Variants in AUTS2 observed in about 807,000 individuals in gnomAD.
AUTS2 encodes activator of transcription and developmental regulator AUTS2.
A neutral mutation model predicts 112.4 loss-of-function variants in AUTS2; 17 were observed. The ratio of observed to expected loss-of-function variants is 0.15; its 90% CI spans 0.10 to 0.23. The LOEUF (loss-of-function observed/expected upper bound fraction) is 0.23, where lower values mean the gene tolerates loss of function less well. Ranked by LOEUF, AUTS2 falls within the 10% of genes least tolerant of loss-of-function variation. The pLI, the probability that AUTS2 is intolerant of heterozygous loss-of-function variation, is 1.00. For missense variants in AUTS2, 1,510 were observed against 1,701.6 expected, an observed-to-expected ratio of 0.89 and a Z score of 1.98; for synonymous variants, 751 against 702.7, an observed-to-expected ratio of 1.07 and a Z score of -1.09.
At chr7:70,307,216 A>G (rs1347344911) in intron 4 of AUTS2, among the ~76,000 whole-genome samples, 3 of 152,222 alleles carry the variant, frequency 2.0e-5, no homozygotes, top group Non-Finnish European at 4.4e-5. Flanking sequence ...TGAACATTTC[A>G]GGATTTAATG....
At chr7:70,500,015 C>T (rs1177290340) in intron 5 of AUTS2, among the ~76,000 whole-genome samples, 2 of 152,136 alleles carry the variant, frequency 1.3e-5, no homozygotes, top group East Asian at 1.9e-4. Flanking sequence ...GCTCAAGACA[C>T]GATGTCCTTC....
intron 4 of AUTS2, among the ~76,000 whole-genome samples, chr7:70,241,426 T>C (rs906201541): frequency 2.0e-5 from 3 of 152,232 alleles, no homozygotes; most frequent in Non-Finnish European, 4.4e-5. Flanking sequence ...GCTGTAGCTA[T>C]ATATAAATGT....
chr7:69,714,095 G>C (rs1350331118), intron 1 of AUTS2, among the ~76,000 whole-genome samples: 1 of 150,900 alleles, frequency 6.6e-6, no homozygotes, highest in East Asian at 1.9e-4. Flanking sequence ...GTTTTGCTCT[G>C]TTACCAAGTC....
chr7:70,510,653 C>T (rs1311498748), intron 5 of AUTS2, among the ~76,000 whole-genome samples: 1 of 151,918 alleles, frequency 6.6e-6, no homozygotes, highest in Non-Finnish European at 1.5e-5. Context: ...AATGCAAAAG[C>T]AAATATGAGA....
At chr7:70,248,148 A>G (rs890560679) in intron 4 of AUTS2, among the ~76,000 whole-genome samples, 1 of 152,160 alleles carries the variant, frequency 6.6e-6, no homozygotes, top group Non-Finnish European at 1.5e-5. Flanking sequence ...TTTTCATCCA[A>G]GTTCATGAGT....
chr7:70,023,180 G>A lies in AUTS2; in HGVS notation c.523-94952G>A, dbSNP rs6969886. Among the ~76,000 whole-genome samples, 316 of 152,272 alleles carry A rather than the reference G, an allele frequency of 2.1e-3. 1 individual carries two copies. Among genetic ancestry groups the A allele is most frequent in the African/African-American group, 7.4e-3 (308 of 41,556 alleles). Reference sequence around the variant, plus strand: ...GACTTCTCAATTAACTTTGACATAAGTGTGTGTTTTATAAGATCATTATCA... The same window carrying A: ...GACTTCTCAATTAACTTTGACATAAATGTGTGTTTTATAAGATCATTATCA... On this transcript the variant is annotated intron_variant, in intron 2 of 18. Transcript: ENST00000342771.
chr7:69,893,326 T>C (rs567623758), intron 1 of AUTS2, among the ~76,000 whole-genome samples: 3 of 152,304 alleles, frequency 2.0e-5, no homozygotes, highest in Non-Finnish European at 2.9e-5. Flanking sequence ...TGTGAACATA[T>C]CTATCTAGTT....
chr7:70,237,477 T>C (rs2129598926), intron 4 of AUTS2, among the ~76,000 whole-genome samples: 1 of 152,346 alleles, frequency 6.6e-6, no homozygotes, highest in Non-Finnish European at 1.5e-5. Context: ...CTTCTACTCA[T>C]ATGATATCCT....
chr7:70,156,046 C>T (rs1807740473), intron 4 of AUTS2, among the ~76,000 whole-genome samples: 2 of 152,112 alleles, frequency 1.3e-5, no homozygotes, highest in Non-Finnish European at 2.9e-5. Context: ...GACCCAGTGT[C>T]TGACCGGATT....
intron 5 of AUTS2, among the ~76,000 whole-genome samples, chr7:70,490,868 G>C (rs932034893): frequency 6.6e-6 from 1 of 152,182 alleles, no homozygotes; most frequent in Non-Finnish European, 1.5e-5. Flanking sequence ...TGAAAATGGA[G>C]CTTTCTTTTT....
At chr7:70,322,524 T>C (rs994153280) in intron 4 of AUTS2, among the ~76,000 whole-genome samples, 4 of 152,148 alleles carry the variant, frequency 2.6e-5, no homozygotes, top group Non-Finnish European at 5.9e-5. Context: ...TGCCTGGTGG[T>C]GATAAGAAAG....
chr7:69,788,933 A>G (rs969441996), intron 1 of AUTS2, among the ~76,000 whole-genome samples: 14 of 152,200 alleles, frequency 9.2e-5, no homozygotes, highest in African/African-American at 3.4e-4. Flanking sequence ...ACGATAGGAC[A>G]CTTGGTTTTT....
At chr7:70,072,797 G>A (rs777168609) in intron 2 of AUTS2, among the ~76,000 whole-genome samples, 34 of 151,790 alleles carry the variant, frequency 2.2e-4, no homozygotes, top group Non-Finnish European at 3.5e-4. Context: ...AAAAAATATC[G>A]TGTTTGTTAT....
chr7:69,840,507 A>C (rs1791928607), intron 1 of AUTS2, among the ~76,000 whole-genome samples: 1 of 152,206 alleles, frequency 6.6e-6, no homozygotes, highest in South Asian at 2.1e-4. Flanking sequence ...AGCTCTCTTC[A>C]GTGTAATATA....
At chr7:69,894,257 T>TTTTTTGTTGTTG (rs1554400350) in intron 1 of AUTS2, among the ~76,000 whole-genome samples, 83 of 131,788 alleles carry the variant, frequency 6.3e-4, no homozygotes, top group African/African-American at 2.3e-3. Context: ...AAAGCGTTTT[T>TTTTTTGTTGTTG]TTTTTTTTTT....
At position 70,335,014 on chromosome 7, in the gene AUTS2, C is replaced by T. The variant is rs762954333; in HGVS notation, c.661-100738C>T. On this transcript the variant is annotated intron_variant, in intron 4 of 18. Coordinates refer to ENST00000342771, the MANE Select transcript of AUTS2 (RefSeq NM_015570.4). ...CCTCTTCTAGACAGCAGCTTGGTACCTCAGCTGTCCTTCTCATCAGGGAGA... is the reference window on the plus strand; with the variant it reads ...CCTCTTCTAGACAGCAGCTTGGTACTTCAGCTGTCCTTCTCATCAGGGAGA... Among the ~76,000 whole-genome samples the T allele has an allele frequency of 4.7e-4, 71 of 152,104 alleles. 2 individuals carry two copies. Among genetic ancestry groups the T allele is most frequent in the Non-Finnish European group, 1.5e-4 (10 of 68,028 alleles).
chr7:70,037,352 A>C (rs1801051457), intron 2 of AUTS2, among the ~76,000 whole-genome samples: 1 of 152,198 alleles, frequency 6.6e-6, no homozygotes, highest in Non-Finnish European at 1.5e-5. Flanking sequence ...AATGTACTGT[A>C]TTCAGGATTT....
intron 4 of AUTS2, among the ~76,000 whole-genome samples, chr7:70,191,678 G>A (rs979240125): frequency 6.6e-6 from 1 of 152,110 alleles, no homozygotes; most frequent in African/African-American, 2.4e-5. Context: ...GCTACGATAT[G>A]TTCTTGTCCC....
chr7:69,964,270 G>A (rs1156258831), intron 2 of AUTS2, among the ~76,000 whole-genome samples: 2 of 152,056 alleles, frequency 1.3e-5, no homozygotes, highest in East Asian at 1.9e-4. Flanking sequence ...TTTACCCTCC[G>A]GGCTTTACTT....
Sources: gnomAD v4.1 joint callset for allele counts (sites outside exome capture counted in the v4.1 genomes callset) on GRCh38, gnomAD v4.1.1 for gene constraint, MANE v1.5 for transcripts, NCBI Gene and HGNC (gene_info 2026-07-23, HGNC 2026-07-21) for gene names.